Variants in ZNF513 observed in about 807,000 individuals in gnomAD.
ZNF513 encodes zinc finger protein 513.
Under a neutral mutation model 39.7 loss-of-function variants are expected in ZNF513, and 16 were observed. The observed-to-expected ratio is 0.40, with a 90% CI of 0.27 to 0.61. The LOEUF (loss-of-function observed/expected upper bound fraction) is 0.61, where lower values mean the gene tolerates loss of function less well. Among genes scored for constraint, ZNF513 ranks in the 20% least tolerant of loss-of-function variants. The pLI, the probability that ZNF513 is intolerant of heterozygous loss-of-function variation, is 0.39. For missense variants in ZNF513, 699 were observed against 743.6 expected (o/e 0.94, Z 0.70); for synonymous variants, 348 against 296.5 (o/e 1.17, Z -1.79).
intron 2 of ZNF513, among the ~76,000 whole-genome samples, 161 bp downstream of exon 2, chr2:27,379,932 A>G (rs1346103167): frequency 6.6e-6 from 1 of 152,206 alleles, no homozygotes; most frequent in African/African-American, 2.4e-5. Context: ...AAAGTGATGG[A>G]AGTGATTGGA....
Position 27,380,485 on chromosome 2 carries a change from G to A in ZNF513, c.42C>T (p.Cys14=). The part of the protein sequence containing the change: ...RKQSHPQPVK[C]EGVKVDTEDS... ...CTGACCCCTGACCTTTGACCCCCTC[G>A]CATTTCACGGGCTGCGGGTGGCTTT... Residue 14 remains cysteine, a synonymous_variant, in exon 1 of 4, where the codon TGC becomes TGT. Transcript: ENST00000323703. The A allele has an allele frequency of 6.4e-7, 1 of 1,560,984 alleles. No individual in the cohort carries two copies. Among genetic ancestry groups the A allele is most frequent in the Non-Finnish European group, 8.7e-7 (1 of 1,149,216 alleles).
Position 27,377,465 on chromosome 2 carries a change from G to T in ZNF513, c.*80C>A, listed in dbSNP as rs1297168978. 2 of 1,486,710 alleles carry T rather than the reference G, an allele frequency of 1.3e-6. No individual in the cohort carries two copies. Among genetic ancestry groups the T allele is most frequent in the Middle Eastern group, 1.7e-4 (1 of 5,850 alleles). 92.1% of individuals were successfully genotyped at this position (1,486,710 alleles called of 1,614,324 possible). On this transcript the variant is annotated 3_prime_UTR_variant, in exon 4 of 4. Transcript: ENST00000323703. The surrounding 1 kb of genome is among the most constrained non-coding windows in gnomAD (Gnocchi z 4.4). The stretch of plus-strand genomic sequence containing the variant: ...GTCCTTATAGTGCCTACGTTAGTCT[G>T]TGTGGAGCCCCTGGCCAGCGGGGGA...
chr2:27,379,045 A>G lies in ZNF513; in HGVS notation c.221T>C (p.Leu74Pro), dbSNP rs766686816. ...GFERDSEGDSLGARPGLPYGL... is the reference protein window; with the variant it reads ...GFERDSEGDSPGARPGLPYGL... ...ATAGGGAAGCCCAGGCCTGGCCCCC[A>G]GAGAGTCTCCTGGTGAAATAGACAT... is the stretch of plus-strand genomic sequence containing the variant. The change falls in exon 3 of 4, where the codon CTG (leucine) becomes CCG (proline). Residue 74 changes from leucine to proline, a missense_variant. By Grantham distance (98) the Leu-to-Pro change is moderately conservative. Coordinates refer to ENST00000323703, the MANE Select transcript of ZNF513 (RefSeq NM_144631.6). 1.2e-6 allele frequency: 2 copies of G among 1,612,790 alleles called. No homozygotes were observed. The highest frequency in any genetic ancestry group is 1.7e-6 in the Non-Finnish European group (2 of 1,179,916).
At position 27,377,778 on chromosome 2, in the gene ZNF513, G is replaced by A. The variant is rs1683403527; in HGVS notation, c.1393C>T (p.Arg465Trp). The change falls in exon 4 of 4, where the codon CGG becomes TGG. Residue 465 changes from arginine (R) to tryptophan (W), a missense_variant. This residue lies in a region of ZNF513 where 98 missense variants were observed against 180.2 expected (regional missense o/e 0.54). Coordinates refer to ENST00000323703, the MANE Select transcript of ZNF513 (RefSeq NM_144631.6). This position sits in a 1 kb window ranked among gnomAD's most constrained non-coding sequence, Gnocchi z 4.4. Reference protein sequence around the residue: ...QSMNLKRHMLRHTGEKPFRCA... With the variant: ...QSMNLKRHMLWHTGEKPFRCA... ...CGGAAGGGCTTCTCGCCTGTGTGCCGCAGCATGTGACGTTTGAGGTTCATG... is the reference window on the plus strand; with the variant it reads ...CGGAAGGGCTTCTCGCCTGTGTGCCACAGCATGTGACGTTTGAGGTTCATG... The A allele has an allele frequency of 2.5e-6, 4 of 1,612,050 alleles. No homozygotes were observed. Among genetic ancestry groups the A allele is most frequent in the African/African-American group, 2.7e-5 (2 of 74,220 alleles).
In ZNF513 at chr2:27,377,281, A is replaced by C. The variant is rs1683346904; in HGVS notation, c.*264T>G. 1 of 621,040 alleles carries C rather than the reference A, an allele frequency of 1.6e-6. No individual in the cohort carries two copies. Among genetic ancestry groups the C allele is most frequent in the African/African-American group, 1.8e-5 (1 of 54,112 alleles). 38.5% of individuals were successfully genotyped at this position (621,040 alleles called of 1,614,324 possible). Reference sequence around the variant, plus strand: ...ATAAAGCACTGAAATAAGTTAAATAAACAGGTGGGAGGCTGGGCAGTCCCC... The same window carrying C: ...ATAAAGCACTGAAATAAGTTAAATACACAGGTGGGAGGCTGGGCAGTCCCC... On this transcript the variant is annotated 3_prime_UTR_variant, in exon 4 of 4. Coordinates refer to ENST00000323703, the MANE Select transcript of ZNF513 (RefSeq NM_144631.6). This position sits in a 1 kb window ranked among gnomAD's most constrained non-coding sequence, Gnocchi z 4.4.
In ZNF513 at chr2:27,380,205, T is replaced by C; in HGVS notation, c.99A>G (p.Val33=). ...GGCCTAGTAGCAAATCACTCTCCAA[T>C]ACCAGGGCCCCGGGTCCTTCGTCGA... is the stretch of plus-strand genomic sequence containing the variant. ...DSLDEGPGAL[V]LESDLLLGQD... The change falls in exon 2 of 4, where the codon GTA becomes GTG. Residue 33 remains valine, a synonymous_variant. Coordinates refer to ENST00000323703, the MANE Select transcript of ZNF513 (RefSeq NM_144631.6). 1 of 1,613,846 alleles carries C rather than the reference T, an allele frequency of 6.2e-7. No homozygotes were observed. The highest frequency in any genetic ancestry group is 2.2e-5 in the East Asian group (1 of 44,836).
At chr2:27,380,413 G>A in intron 1 of ZNF513, 59 bp downstream of exon 1, 1 of 1,575,292 alleles carries the variant, frequency 6.3e-7, no homozygotes, top group Non-Finnish European at 8.6e-7. Context: ...ACCCTGACCT[G>A]AGCCCACTCC....
chr2:27,378,107 G>C lies in ZNF513; in HGVS notation c.1064C>G (p.Pro355Arg). The C allele has an allele frequency of 6.2e-7, 1 of 1,613,646 alleles. No homozygotes were observed. Among genetic ancestry groups the C allele is most frequent in the South Asian group, 1.1e-5 (1 of 91,058 alleles). ...GGGASGGPQGPSDKGFACSLC... is the reference protein window; with the variant it reads ...GGGASGGPQGRSDKGFACSLC... Reference sequence around the variant, plus strand: ...GCTACAGGCAAAGCCTTTGTCACTGGGGCCCTGGGGCCCCCCACTGGCACC... The same window carrying C: ...GCTACAGGCAAAGCCTTTGTCACTGCGGCCCTGGGGCCCCCCACTGGCACC... Residue 355 changes from proline to arginine, a missense_variant, in exon 4 of 4, where the codon CCC becomes CGC. Physicochemically the swap from Pro to Arg is moderately radical, Grantham distance 103. Transcript: ENST00000323703. The surrounding 1 kb of genome is among the most constrained non-coding windows in gnomAD (Gnocchi z 8.0).
intron 2 of ZNF513, 120 bp downstream of exon 2, chr2:27,379,973 A>G: frequency 7.4e-7 from 1 of 1,346,794 alleles, no homozygotes; most frequent in Non-Finnish European, 1.1e-6. Context: ...TCTAGCTCAA[A>G]TGTAAACTAA....
chr2:27,378,497 G>C lies in ZNF513; in HGVS notation c.769C>G (p.Gln257Glu). The C allele has an allele frequency of 6.2e-7, 1 of 1,614,174 alleles. No individual in the cohort carries two copies. Among genetic ancestry groups the C allele is most frequent in the Non-Finnish European group, 8.5e-7 (1 of 1,180,046 alleles). ...RPARPPSPTE[Q>E]EGAVPRRPED... ...GGTCGCCGGGGCACCGCCCCCTCCTGCTCTGTGGGACTGGGAGGCCGGGCT... is the reference window on the plus strand; with the variant it reads ...GGTCGCCGGGGCACCGCCCCCTCCTCCTCTGTGGGACTGGGAGGCCGGGCT... The change falls in exon 3 of 4, where the codon CAG becomes GAG. Residue 257 changes from glutamine to glutamate, a missense_variant. Physicochemically the swap from Gln to Glu is conservative, Grantham distance 29 (BLOSUM62 2). This residue lies in a region of ZNF513 where 530 missense variants were observed against 499.3 expected (regional missense o/e 1.06). Transcript: ENST00000323703. The surrounding 1 kb of genome is among the most constrained non-coding windows in gnomAD (Gnocchi z 8.0).
At chr2:27,379,244 C>T (rs1683506040) in intron 2 of ZNF513, among the ~76,000 whole-genome samples, 190 bp from the exon 3 acceptor site, 1 of 152,206 alleles carries the variant, frequency 6.6e-6, no homozygotes, top group Non-Finnish European at 1.5e-5. Context: ...TTGTCTACCT[C>T]TTACACTGGA....
rs552236644 is a variant in ZNF513 at position 27,380,629 on chromosome 2, C to T, written c.-103G>A. 9.6e-5 allele frequency: 140 copies of T among 1,457,822 alleles called. 1 individual carries two copies. The South Asian group carries it at 1.8e-3, about 18-fold the overall frequency. The allele number at this position is 1,457,822 out of a possible 1,614,324, so 90.3% of individuals were successfully genotyped here. A position where few individuals can be genotyped will look rare whatever the true frequency, so the allele number is the denominator to read the frequency against. On this transcript the variant is annotated 5_prime_UTR_variant, in exon 1 of 4. Coordinates refer to ENST00000323703, the MANE Select transcript of ZNF513 (RefSeq NM_144631.6). ...GCCCTTCCTCTCAGGGCCCGCGGGC[C>T]GCCCCCATGCAGCGGCGCGGGCCCT...
chr2:27,377,403 G>A lies in ZNF513; in HGVS notation c.*142C>T, dbSNP rs562650329. ...TGCCTCAGTCAAGGCAAGGTCCCCT[G>A]GTCCATATGGGCCCCCCCGCCCATG... On this transcript the variant is annotated 3_prime_UTR_variant, in exon 4 of 4. Transcript: ENST00000323703. This position sits in a 1 kb window ranked among gnomAD's most constrained non-coding sequence, Gnocchi z 4.4. The A allele has an allele frequency of 2.2e-6, 2 of 890,654 alleles. No homozygotes were observed. The highest frequency in any genetic ancestry group is 2.0e-5 in the Admixed American group (1 of 50,340). 55.2% of individuals were successfully genotyped at this position (890,654 alleles called of 1,614,324 possible).
chr2:27,380,578 C>A lies in ZNF513; in HGVS notation c.-52G>T, dbSNP rs774483164. 10 of 1,538,620 alleles carry A rather than the reference C, an allele frequency of 6.5e-6. No individual in the cohort carries two copies. In the African/African-American group the frequency reaches 9.6e-5, roughly 15 times the overall value. ...TCCGGCCTGCGGCCGCCCGACCCCG[C>A]CCCTCCTATCTCGGCCCGCCTGTCT... On this transcript the variant is annotated 5_prime_UTR_variant, in exon 1 of 4. Transcript: ENST00000323703.
intron 2 of ZNF513, among the ~76,000 whole-genome samples, 189 bp downstream of exon 2, chr2:27,379,904 T>C (rs1683543519): frequency 6.6e-6 from 1 of 152,168 alleles, no homozygotes; most frequent in Non-Finnish European, 1.5e-5. Flanking sequence ...TGACCAGGCC[T>C]CAGAACTTCA....
Position 27,378,143 on chromosome 2 carries a change from T to G in ZNF513, c.1028A>C (p.Glu343Ala), listed in dbSNP as rs1683431745. ...AAMCGRCMRG[E>A]AGGGASGGPQ... ...CCCCCCACTGGCACCCCCTCCAGCCTCTCCTCGCATGCAGCGCCCACACAT... is the reference window on the plus strand; with the variant it reads ...CCCCCCACTGGCACCCCCTCCAGCCGCTCCTCGCATGCAGCGCCCACACAT... Residue 343 changes from glutamate to alanine, a missense_variant, in exon 4 of 4, where the codon GAG becomes GCG. Transcript: ENST00000323703. The surrounding 1 kb of genome is among the most constrained non-coding windows in gnomAD (Gnocchi z 8.0). 1 of 1,613,530 alleles carries G rather than the reference T, an allele frequency of 6.2e-7. No homozygotes were observed. Among genetic ancestry groups the G allele is most frequent in the Non-Finnish European group, 8.5e-7 (1 of 1,179,890 alleles).
chr2:27,380,559 C>A lies in ZNF513; in HGVS notation c.-33G>T. 1 of 1,544,852 alleles carries A rather than the reference C, an allele frequency of 6.5e-7. No homozygotes were observed. Among genetic ancestry groups the A allele is most frequent in the Non-Finnish European group, 8.8e-7 (1 of 1,139,862 alleles). On this transcript the variant is annotated 5_prime_UTR_variant, in exon 1 of 4. The change creates a new upstream start codon in the 5' untranslated region. Coordinates refer to ENST00000323703, the MANE Select transcript of ZNF513 (RefSeq NM_144631.6). ...GGCTCCAGCCCGACGCGCCTCCGGC[C>A]TGCGGCCGCCCGACCCCGCCCCTCC...
Position 27,379,050 on chromosome 2 carries a change from G to T in ZNF513, c.216C>A (p.Asp72Glu), listed in dbSNP as rs541029874. 17 of 1,612,652 alleles carry T rather than the reference G, an allele frequency of 1.1e-5. No homozygotes were observed. The Admixed American group carries it at 2.7e-4, about 25-fold the overall frequency. Residue 72 changes from aspartate to glutamate, a missense_variant, in exon 3 of 4, where the codon GAC becomes GAA. Physicochemically the swap from Asp to Glu is conservative, Grantham distance 45 (BLOSUM62 2). Coordinates refer to ENST00000323703, the MANE Select transcript of ZNF513 (RefSeq NM_144631.6). Reference sequence around the variant, plus strand: ...GAAGCCCAGGCCTGGCCCCCAGAGAGTCTCCTGGTGAAATAGACATAAGAA... The same window carrying T: ...GAAGCCCAGGCCTGGCCCCCAGAGATTCTCCTGGTGAAATAGACATAAGAA... ...LMGFERDSEG[D>E]SLGARPGLPY... is the part of the protein sequence containing the mutation.
At position 27,378,986 on chromosome 2, in the gene ZNF513, C is replaced by T. The variant is rs1572654884; in HGVS notation, c.280G>A (p.Ala94Thr). The T allele has an allele frequency of 2.5e-6, 4 of 1,613,034 alleles. No homozygotes were observed. The highest frequency in any genetic ancestry group is 3.4e-6 in the Non-Finnish European group (4 of 1,179,882). Residue 94 changes from alanine to threonine, a missense_variant, in exon 3 of 4, where the codon GCA becomes ACA. By Grantham distance (58) the Ala-to-Thr change is moderately conservative (BLOSUM62 0). Around this residue, in one of 3 missense-constraint regions of ZNF513, gnomAD observed 530 missense variants for 499.3 expected, o/e 1.06. Coordinates refer to ENST00000323703, the MANE Select transcript of ZNF513 (RefSeq NM_144631.6). This position sits in a 1 kb window ranked among gnomAD's most constrained non-coding sequence, Gnocchi z 8.0. ...LSDDESGGGR[A>T]LSAESEVEEP... The stretch of plus-strand genomic sequence containing the variant: ...TCAACTTCACTCTCCGCACTTAGTG[C>T]CCGGCCGCCCCCAGACTCATCGTCG...
Sources: gnomAD v4.1 joint callset for allele counts (sites outside exome capture counted in the v4.1 genomes callset) on GRCh38, gnomAD v4.1.1 for gene constraint, gnomAD v4.1.1 regional missense constraint, Gnocchi (gnomAD v3.1) non-coding constraint, MANE v1.5 for transcripts, NCBI Gene and HGNC (gene_info 2026-07-23, HGNC 2026-07-21) for gene names.